DMD: variants seen among roughly 807,000 people sequenced by gnomAD.
The protein encoded by DMD is dystrophin.
Under a neutral mutation model 330.1 loss-of-function variants are expected in DMD, and 63 were observed. That is an observed-to-expected ratio of 0.19 (90% CI 0.16 to 0.24). The LOEUF (loss-of-function observed/expected upper bound fraction) is 0.24, where lower values mean the gene tolerates loss of function less well. DMD is among the 10% of genes least tolerant of loss of function. The pLI is 1.00. For synonymous variants in DMD, 1,223 were observed against 959.8 expected (o/e 1.27, Z -5.07); for missense variants, 3,344 against 2,684.1 (o/e 1.25, Z -5.43).
chrX:32,673,519 T>C (rs1371393607), intron 9 of DMD, among the ~76,000 whole-genome samples: 1 of 111,887 alleles, frequency 8.9e-6, no homozygotes, highest in Non-Finnish European at 1.9e-5. Context: ...AGGCTGATAA[T>C]TTGGAGCCTG....
At chrX:32,799,946 GT>G (rs904366608) in intron 7 of DMD, among the ~76,000 whole-genome samples, 9 of 111,161 alleles carry the variant, frequency 8.1e-5, no homozygotes, top group African/African-American at 2.9e-4. Context: ...CAAAACACCA[GT>G]TAAGGCCAAA....
intron 7 of DMD, among the ~76,000 whole-genome samples, chrX:32,797,571 T>C (rs1179171323): frequency 1.8e-5 from 2 of 112,363 alleles, no homozygotes; most frequent in Admixed American, 9.4e-5. Flanking sequence ...TATTCCTTCA[T>C]AGCTGAAATA....
intron 43 of DMD, among the ~76,000 whole-genome samples, chrX:32,272,804 T>A (rs1378168620): frequency 8.9e-6 from 1 of 112,139 alleles, no homozygotes; most frequent in African/African-American, 3.2e-5. Flanking sequence ...CCATCCTACG[T>A]GTCCAGAAAA....
chrX:32,854,042 G>T (rs761852250), intron 2 of DMD, among the ~76,000 whole-genome samples: 3 of 111,362 alleles, frequency 2.7e-5, no homozygotes, highest in Non-Finnish European at 5.7e-5. Flanking sequence ...AAATATATAC[G>T]TACCGAACAC....
chrX:31,879,209 C>CAG (rs145264192), intron 47 of DMD, among the ~76,000 whole-genome samples: 2 of 83,804 alleles, frequency 2.4e-5, no homozygotes, highest in African/African-American at 4.5e-5. Context: ...TTCTACATGG[C>CAG]GGGGGGGGGC....
chrX:31,218,737 C>A (rs1015612134), intron 64 of DMD, among the ~76,000 whole-genome samples: 4 of 111,806 alleles, frequency 3.6e-5, no homozygotes, highest in African/African-American at 1.3e-4. Context: ...CATTTCTTCT[C>A]TATCTCTGTG....
intron 11 of DMD, among the ~76,000 whole-genome samples, chrX:32,617,386 T>C (rs934646554): frequency 1.8e-5 from 2 of 111,267 alleles, no homozygotes; most frequent in South Asian, 3.7e-4. Context: ...TGGAACATAA[T>C]AGAGAACCCA....
At chrX:31,310,441 G>A (rs971759000) in intron 62 of DMD, among the ~76,000 whole-genome samples, 1 of 109,312 alleles carries the variant, frequency 9.1e-6, no homozygotes, top group African/African-American at 3.3e-5. Flanking sequence ...AAGTAAGAGC[G>A]AGAAAAAACA....
chrX:32,560,879 G>A (rs777819993), intron 16 of DMD, among the ~76,000 whole-genome samples: 1 of 111,677 alleles, frequency 9.0e-6, no homozygotes, highest in Non-Finnish European at 1.9e-5. Flanking sequence ...TTGCTATTGT[G>A]AATAGTGCTG....
At chrX:31,251,687 T>C (rs1022479478) in intron 63 of DMD, among the ~76,000 whole-genome samples, 1 of 112,354 alleles carries the variant, frequency 8.9e-6, no homozygotes, top group African/African-American at 3.2e-5. Context: ...TCCAGCAAAA[T>C]TGCAGCTCCC....
At chrX:32,714,642 A>G (rs1477366432) in intron 7 of DMD, among the ~76,000 whole-genome samples, 4 of 111,688 alleles carry the variant, frequency 3.6e-5, no homozygotes, top group African/African-American at 1.3e-4. Flanking sequence ...AGTTACTTTC[A>G]ATGTACAAAC....
intron 7 of DMD, among the ~76,000 whole-genome samples, chrX:32,802,017 TTAAAG>T (rs2076608503): frequency 8.9e-6 from 1 of 112,103 alleles, no homozygotes; most frequent in Non-Finnish European, 1.9e-5. Flanking sequence ...CACATGAAAT[TTAAAG>T]TAGTTTTTTT....
At chrX:31,744,976 G>A (rs1484491510) in intron 51 of DMD, among the ~76,000 whole-genome samples, 2 of 111,679 alleles carry the variant, frequency 1.8e-5, no homozygotes, top group Admixed American at 9.6e-5. Flanking sequence ...ATGCATGCTC[G>A]CACACGCAGT....
chrX:31,262,618 G>A (rs1012483874), intron 62 of DMD, among the ~76,000 whole-genome samples: 1 of 112,555 alleles, frequency 8.9e-6, no homozygotes, highest in Non-Finnish European at 1.9e-5. Context: ...CTTTTCCATA[G>A]AGACAACTCA....
rs964801142 is a variant in DMD at position 32,823,473 on chromosome X, T to C, written c.265-86A>G. On this transcript the variant is annotated intron_variant, in intron 4 of 78. Transcript: ENST00000357033. ...AATAATAATAAAAACGTGAAGGTAA[T>C]TGCATTTAGCTATTTTCAGAGACTT... 3 of 668,538 alleles carry C rather than the reference T, an allele frequency of 4.5e-6. No homozygotes were observed. The African/African-American group carries it at 6.5e-5, about 14-fold the overall frequency. The allele number at this position is 668,538 out of a possible 1,213,427, so 55.1% of individuals were successfully genotyped here.
At chrX:31,341,461 A>C (rs1462790814) in intron 61 of DMD, among the ~76,000 whole-genome samples, 2 of 112,097 alleles carry the variant, frequency 1.8e-5, no homozygotes, top group Non-Finnish European at 3.8e-5. Context: ...AGTCAGTTTC[A>C]TTTTACAGCT....
chrX:32,109,921 G>A (rs145014798), intron 44 of DMD, among the ~76,000 whole-genome samples: 1,347 of 110,985 alleles, frequency 0.012, 20 homozygotes, highest in African/African-American at 0.042. Context: ...GCAACTTCTT[G>A]ACAAACACAC....
At chrX:31,963,739 T>A (rs1210857349) in intron 45 of DMD, among the ~76,000 whole-genome samples, 2 of 102,964 alleles carry the variant, frequency 1.9e-5, no homozygotes, top group Non-Finnish European at 3.9e-5. Flanking sequence ...ATATATTGAA[T>A]AAATAAAAAT....
chrX:33,036,243 A>C (rs564004446), intron 1 of DMD, among the ~76,000 whole-genome samples: 3 of 111,918 alleles, frequency 2.7e-5, no homozygotes, highest in Non-Finnish European at 5.7e-5. Flanking sequence ...TAGAAACTAG[A>C]GAAAAAGTGA....
Sources: allele counts gnomAD v4.1 joint callset (sites outside exome capture counted in the v4.1 genomes callset), GRCh38; gene constraint gnomAD v4.1.1; transcripts MANE v1.5; gene names NCBI Gene and HGNC (gene_info 2026-07-23, HGNC 2026-07-21).